Variants in CARF observed in about 807,000 individuals in gnomAD.
CARF encodes calcium responsive transcription factor.
In CARF, 57 loss-of-function variants were observed where a neutral mutation model predicts 82.0. The observed-to-expected ratio is 0.70, with a 90% CI of 0.56 to 0.87. The LOEUF is 0.87. CARF is among the 40% of genes least tolerant of loss of function. The pLI is 0.00. For missense variants in CARF, 771 were observed against 855.8 expected, an observed-to-expected ratio of 0.90 and a Z score of 1.24; for synonymous variants, 268 against 290.1, an observed-to-expected ratio of 0.92 and a Z score of 0.77.
In CARF at chr2:202,974,466, G is replaced by T. The variant is rs777796791; in HGVS notation, c.1464G>T (p.Thr488=). Residue 488 remains threonine, a synonymous_variant, in exon 13 of 17, where the codon ACG becomes ACT. Transcript: ENST00000438828. ...AGAAATCCTTGAGAAATGGAGATAC[G>T]GTATATAACTCAGAGATTATTCCAG... ...EVQKSLRNGD[T]VYNSEIIPAT... 1 of 1,603,100 alleles carries T rather than the reference G, an allele frequency of 6.2e-7. No homozygotes were observed. Among genetic ancestry groups the T allele is most frequent in the South Asian group, 1.1e-5 (1 of 88,448 alleles).
At position 202,925,291 on chromosome 2, in the gene CARF, G is replaced by A. The variant is rs116309724; in HGVS notation, c.-44+876G>A. ...GGAATCTCACCTGGAAGAGCTGACT[G>A]ACAAGATCAACTTCCTCATTCAGCT... On this transcript the variant is annotated intron_variant, in intron 3 of 16. Coordinates refer to ENST00000438828, the MANE Select transcript of CARF (RefSeq NM_024744.17). 1,835 of 359,844 alleles carry A rather than the reference G, an allele frequency of 5.1e-3. 17 individuals carry two copies. The highest frequency in any genetic ancestry group is 0.014 in the South Asian group (554 of 40,028). The allele number at this position is 359,844 out of a possible 1,614,324, so 22.3% of individuals were successfully genotyped here.
chr2:202,983,565 C>T lies in CARF; in HGVS notation c.2119C>T (p.Pro707Ser), dbSNP rs865925738. The change falls in exon 17 of 17, where the codon CCA (proline) becomes TCA (serine). Residue 707 changes from proline to serine, a missense_variant. Pro to Ser is a moderately conservative substitution (Grantham distance 74, BLOSUM62 -1). Transcript: ENST00000438828. ...CCAAGTTAAACAAGAACCCAAAGAA[C>T]CAGCATTGTCTATGGAAGCAAAAAA... ...VSQVKQEPKE[P>S]ALSMEAKKTV... 4 of 1,612,286 alleles carry T rather than the reference C, an allele frequency of 2.5e-6. No individual in the cohort carries two copies. The highest frequency in any genetic ancestry group is 8.5e-7 in the Non-Finnish European group (1 of 1,179,344).
chr2:202,987,229 T>C lies in CARF; in HGVS notation c.*3605T>C, dbSNP rs1444734679. ...AAACAATGTGTGTAATAAGTAATTC[T>C]CCACGCCCACCCACCCCCAGCCCCC... On this transcript the variant is annotated 3_prime_UTR_variant, in exon 17 of 17. Transcript: ENST00000438828. Among the ~76,000 whole-genome samples, 1 of 151,786 alleles carries C rather than the reference T, an allele frequency of 6.6e-6. No individual in the cohort carries two copies. Among genetic ancestry groups the C allele is most frequent in the Non-Finnish European group, 1.5e-5 (1 of 67,984 alleles).
chr2:202,926,141 G>A (rs971569991), intron 3 of CARF, among the ~76,000 whole-genome samples: 4 of 152,098 alleles, frequency 2.6e-5, no homozygotes, highest in African/African-American at 9.7e-5. Context: ...TCCTCTGGCC[G>A]ACCAGAGCCT....
At position 202,925,824 on chromosome 2, in the gene CARF, T is replaced by G. The variant is rs1276291881; in HGVS notation, c.-44+1409T>G. 61 of 189,196 alleles carry G rather than the reference T, an allele frequency of 3.2e-4. No homozygotes were observed. In the Admixed American group the frequency reaches 3.6e-3, roughly 11 times the overall value. The allele number at this position is 189,196 out of a possible 1,614,324, so 11.7% of individuals were successfully genotyped here. A position where few individuals can be genotyped will look rare whatever the true frequency, so the allele number is the denominator to read the frequency against. On this transcript the variant is annotated intron_variant, in intron 3 of 16. Transcript: ENST00000438828. ...AAGATCTCCACTTACAAGAAGCTGC[T>G]GAAAGGCAAGGAGAGCCAGGTGGAG... is the stretch of plus-strand genomic sequence containing the variant.
intron 14 of CARF, among the ~76,000 whole-genome samples, chr2:202,977,555 A>T (rs1449474476): frequency 6.6e-6 from 1 of 152,222 alleles, no homozygotes. Flanking sequence ...TGAAGCTGAT[A>T]ACTAGCACAG....
chr2:202,970,571 A>T (rs927011443), intron 11 of CARF, among the ~76,000 whole-genome samples: 10 of 152,220 alleles, frequency 6.6e-5, no homozygotes, highest in African/African-American at 1.9e-4. Flanking sequence ...TTTATGTGTC[A>T]GTCTGGGTGA....
chr2:202,953,946 T>G, intron 6 of CARF, 59 bp from the exon 7 acceptor site: 2 of 1,463,802 alleles, frequency 1.4e-6, no homozygotes, highest in Non-Finnish European at 1.8e-6. Context: ...TAGTTAGGTA[T>G]ATTCTTATGG....
chr2:202,981,799 T>C lies in CARF; in HGVS notation c.1689+114T>C, dbSNP rs560127810. ...TTACAGAATTATAATAATGATGAAA[T>C]ATGTTTTCATTGTTAATTTCCTGAT... On this transcript the variant is annotated intron_variant, in intron 15 of 16. Coordinates refer to ENST00000438828, the MANE Select transcript of CARF (RefSeq NM_024744.17). 37 of 1,032,432 alleles carry C rather than the reference T, an allele frequency of 3.6e-5. No homozygotes were observed. The East Asian group carries it at 5.4e-4, about 15-fold the overall frequency. 64.0% of individuals were successfully genotyped at this position (1,032,432 alleles called of 1,614,324 possible). A position where few individuals can be genotyped will look rare whatever the true frequency, so the allele number is the denominator to read the frequency against.
chr2:202,934,505 G>A (rs1198614875), intron 3 of CARF: 1 of 152,134 alleles, frequency 6.6e-6, no homozygotes, highest in African/African-American at 2.4e-5. Context: ...CACCTAGGCT[G>A]GAGTGCAGTG....
At chr2:202,968,130 A>T (rs940657063) in intron 10 of CARF, among the ~76,000 whole-genome samples, 1 of 152,132 alleles carries the variant, frequency 6.6e-6, no homozygotes, top group African/African-American at 2.4e-5. Flanking sequence ...TTGGCCGAGC[A>T]TGGTGGCTAA....
intron 1 of CARF, among the ~76,000 whole-genome samples, chr2:202,916,639 A>G (rs1689720983): frequency 6.6e-6 from 1 of 152,188 alleles, no homozygotes; most frequent in African/African-American, 2.4e-5. Context: ...GATTTATTCT[A>G]AGGTTATTGG....
At chr2:202,976,976 T>TA (rs2060056867) in intron 13 of CARF, among the ~76,000 whole-genome samples, 1 of 152,178 alleles carries the variant, frequency 6.6e-6, no homozygotes, top group Non-Finnish European at 1.5e-5. Flanking sequence ...TCCCAAGCCT[T>TA]ACGGGCATGA....
intron 12 of CARF, 33 bp downstream of exon 12, chr2:202,971,771 T>C (rs2059799892): frequency 6.5e-7 from 1 of 1,544,506 alleles, no homozygotes; most frequent in African/African-American, 1.4e-5. Flanking sequence ...TTTTACATTT[T>C]TCAGTTTTGT....
chr2:202,936,237 T>G (rs1328496420), intron 3 of CARF, among the ~76,000 whole-genome samples: 1 of 152,208 alleles, frequency 6.6e-6, no homozygotes, highest in Non-Finnish European at 1.5e-5. Context: ...TACACATGCA[T>G]ATATATGTAC....
At chr2:202,980,665 T>C (rs1315871678) in intron 14 of CARF, among the ~76,000 whole-genome samples, 3 of 115,844 alleles carry the variant, frequency 2.6e-5, no homozygotes, top group African/African-American at 9.9e-5. Context: ...TATATATAGT[T>C]GTGCCTCTGT....
At position 202,984,774 on chromosome 2, in the gene CARF, G is replaced by C. The variant is rs1198532118; in HGVS notation, c.*1150G>C. The C allele has an allele frequency of 6.6e-6, 1 of 152,094 alleles. No individual in the cohort carries two copies. Among genetic ancestry groups the C allele is most frequent in the African/African-American group, 2.4e-5 (1 of 41,418 alleles). The allele number at this position is 152,094 out of a possible 1,614,324, so 9.4% of individuals were successfully genotyped here. On this transcript the variant is annotated 3_prime_UTR_variant, in exon 17 of 17. Transcript: ENST00000438828. ...ATCTGTTGTCTAAAGATTGGTACTAGGCTGGACATGGTGGCTCACACCTGT... is the reference window on the plus strand; with the variant it reads ...ATCTGTTGTCTAAAGATTGGTACTACGCTGGACATGGTGGCTCACACCTGT...
chr2:202,962,887 C>G (rs2059381129), intron 9 of CARF: 1 of 152,118 alleles, frequency 6.6e-6, no homozygotes, highest in Non-Finnish European at 1.5e-5. Flanking sequence ...TTCATTATTA[C>G]AAAGAATGCT....
intron 13 of CARF, among the ~76,000 whole-genome samples, chr2:202,976,284 C>G (rs1443332638): frequency 1.3e-5 from 2 of 151,858 alleles, no homozygotes; most frequent in Non-Finnish European, 2.9e-5. Flanking sequence ...AAGCTATTCT[C>G]CTGCCTCAGC....
Sources: gnomAD v4.1 joint callset for allele counts (sites outside exome capture counted in the v4.1 genomes callset) on GRCh38, gnomAD v4.1.1 for gene constraint, MANE v1.5 for transcripts, NCBI Gene and HGNC (gene_info 2026-07-23, HGNC 2026-07-21) for gene names.